DLG5: variants seen among roughly 807,000 people sequenced by gnomAD.
DLG5 encodes the protein discs large MAGUK scaffold protein 5, also known as disks large homolog 5.
Under a neutral mutation model 189.8 loss-of-function variants are expected in DLG5, and 48 were observed. The observed-to-expected ratio is 0.25, with a 90% CI of 0.20 to 0.32. The LOEUF (loss-of-function observed/expected upper bound fraction) is 0.32. DLG5 is among the 10% of genes least tolerant of loss of function. The probability of loss-of-function intolerance (pLI) is 1.00; values close to 1 mark genes in which losing one functional copy is unlikely to be tolerated. For missense variants in DLG5, 2,160 were observed against 2,544.7 expected, an observed-to-expected ratio of 0.85 and a Z score of 3.25; for synonymous variants, 1,016 against 1,054.1, an observed-to-expected ratio of 0.96 and a Z score of 0.70.
chr10:77,877,004 A>T (rs1381492434), intron 1 of DLG5, among the ~76,000 whole-genome samples: 1 of 152,054 alleles, frequency 6.6e-6, no homozygotes, highest in Non-Finnish European at 1.5e-5. Flanking sequence ...CTGGGATTAC[A>T]GGTGTGCGCC....
chr10:77,839,531 C>CA (rs1284087832), intron 7 of DLG5, among the ~76,000 whole-genome samples: 1 of 152,182 alleles, frequency 6.6e-6, no homozygotes, highest in Non-Finnish European at 1.5e-5. Context: ...AAGAAAATCT[C>CA]AAAACTCCAT....
At chr10:77,799,489 G>A (rs1248367435) in intron 27 of DLG5, among the ~76,000 whole-genome samples, 2 of 152,206 alleles carry the variant, frequency 1.3e-5, no homozygotes, top group Non-Finnish European at 2.9e-5. Flanking sequence ...GTACAAGGCA[G>A]GATGACAGCC....
intron 1 of DLG5, among the ~76,000 whole-genome samples, chr10:77,902,676 T>C (rs962877612): frequency 1.3e-5 from 2 of 151,826 alleles, no homozygotes; most frequent in Non-Finnish European, 2.9e-5. Context: ...CTGGCTAACA[T>C]GGTGAAACCC....
At chr10:77,888,899 A>G (rs1352607934) in intron 1 of DLG5, among the ~76,000 whole-genome samples, 1 of 152,084 alleles carries the variant, frequency 6.6e-6, no homozygotes, top group Non-Finnish European at 1.5e-5. Flanking sequence ...CTGAAGAAGA[A>G]CTGCCCAAAC....
At chr10:77,856,648 G>T in intron 3 of DLG5, 82 bp downstream of exon 3, 1 of 1,545,962 alleles carries the variant, frequency 6.5e-7, no homozygotes, top group Non-Finnish European at 8.8e-7. Flanking sequence ...AGGAGCCAGG[G>T]GTGTTTGGGG....
intron 5 of DLG5, among the ~76,000 whole-genome samples, chr10:77,852,362 T>C (rs1844020411): frequency 6.6e-6 from 1 of 151,932 alleles, no homozygotes; most frequent in Admixed American, 6.6e-5. Context: ...CAGAGCGAAC[T>C]CTGTCTCAAA....
chr10:77,917,659 TAC>T lies in DLG5; in HGVS notation c.304+8556_304+8557del, dbSNP rs775010302. Among the ~76,000 whole-genome samples, 14 of 152,286 alleles carry T rather than the reference TAC, an allele frequency of 9.2e-5. No individual in the cohort carries two copies. The East Asian group carries it at 2.5e-3, about 27-fold the overall frequency. ...GGCCATGTAGTTATTATTCAATAGG[TAC>T]AGAGTTTCGATTTTGCAAGATGAAA... On this transcript the variant is annotated intron_variant, in intron 1 of 31. Coordinates refer to ENST00000372391, the MANE Select transcript of DLG5 (RefSeq NM_004747.4).
intron 24 of DLG5, 102 bp from the exon 25 acceptor site, chr10:77,808,046 C>A: frequency 7.2e-7 from 1 of 1,388,668 alleles, no homozygotes; most frequent in Non-Finnish European, 9.8e-7. Flanking sequence ...ATTCAACATC[C>A]CTCCTTAACT....
chr10:77,885,483 G>T (rs1324361229), intron 1 of DLG5, among the ~76,000 whole-genome samples: 1 of 152,196 alleles, frequency 6.6e-6, no homozygotes, highest in Non-Finnish European at 1.5e-5. Context: ...ACTATCTTGT[G>T]CAAAGAGAAA....
intron 1 of DLG5, among the ~76,000 whole-genome samples, chr10:77,902,925 C>T (rs1260867642): frequency 6.6e-6 from 1 of 151,956 alleles, no homozygotes; most frequent in Non-Finnish European, 1.5e-5. Context: ...GAGCATCCCT[C>T]ATTCTGGGCG....
chr10:77,939,790 C>T, the DLG5 span, among the ~76,000 whole-genome samples: 1 of 152,196 alleles, frequency 6.6e-6, no homozygotes, highest in African/African-American at 2.4e-5. Flanking sequence ...GGAAAAGCTC[C>T]TCCATGGGAG....
chr10:77,883,256 G>T (rs1293216217), intron 1 of DLG5, among the ~76,000 whole-genome samples: 2 of 152,154 alleles, frequency 1.3e-5, no homozygotes, highest in Non-Finnish European at 1.5e-5. Context: ...ATGGGGTACG[G>T]GTAGGGAGAG....
intron 2 of DLG5, among the ~76,000 whole-genome samples, chr10:77,864,044 T>C (rs1036446224): frequency 1.3e-5 from 2 of 152,108 alleles, no homozygotes; most frequent in Admixed American, 6.5e-5. Flanking sequence ...GACCTGGGTG[T>C]AAGAAGGAGG....
At chr10:77,823,263 G>T (rs1307811912) in intron 14 of DLG5, among the ~76,000 whole-genome samples, 1 of 152,040 alleles carries the variant, frequency 6.6e-6, no homozygotes, top group Admixed American at 6.6e-5. Context: ...CAAATAATTT[G>T]AAAATAGTTA....
chr10:77,938,410 G>A, the DLG5 span, among the ~76,000 whole-genome samples: 3 of 152,084 alleles, frequency 2.0e-5, no homozygotes, highest in Admixed American at 2.0e-4. Flanking sequence ...CAGCCTGGGT[G>A]ACAGAGCAAG....
At chr10:77,817,925 G>T in intron 17 of DLG5, 36 bp from the exon 18 acceptor site, 1 of 1,516,136 alleles carries the variant, frequency 6.6e-7, no homozygotes, top group Non-Finnish European at 9.0e-7. Flanking sequence ...TTCGGGAGGA[G>T]AACCAGGAAC....
In DLG5 at chr10:77,841,933, C is replaced by G; in HGVS notation, c.1385G>C (p.Ser462Thr). 6.2e-7 allele frequency: 1 copy of G among 1,613,978 alleles called. No individual in the cohort carries two copies. The highest frequency in any genetic ancestry group is 8.5e-7 in the Non-Finnish European group (1 of 1,179,952). ...EVELAESKLK[S>T]STSEKKAANE... ...GGCCGCCTTCTTCTCAGATGTGCTG[C>G]TCTTGAGCTTGGACTCGGCCAGCTC... The change falls in exon 7 of 32, where the codon AGC becomes ACC. Residue 462 changes from serine to threonine, a missense_variant. Transcript: ENST00000372391.
chr10:77,835,322 C>A (rs1843071890), intron 8 of DLG5, among the ~76,000 whole-genome samples: 1 of 152,188 alleles, frequency 6.6e-6, no homozygotes. Context: ...TCCTCCCTCA[C>A]TGCCGTGCCT....
chr10:77,869,116 C>T lies in DLG5; in HGVS notation c.373+13G>A, dbSNP rs763092436. ...TGGCCCACCCGGTGTCCTCCCCAGA[C>T]AGTGGTACTCACCCACACTGCTGAG... On this transcript the variant is annotated intron_variant, in intron 2 of 31. Coordinates refer to ENST00000372391, the MANE Select transcript of DLG5 (RefSeq NM_004747.4). 2.9e-5 allele frequency: 47 copies of T among 1,612,830 alleles called. No homozygotes were observed. The highest frequency in any genetic ancestry group is 6.7e-5 in the African/African-American group (5 of 74,818).
Sources: allele counts gnomAD v4.1 joint callset (sites outside exome capture counted in the v4.1 genomes callset), GRCh38; gene constraint gnomAD v4.1.1; transcripts MANE v1.5; gene names NCBI Gene and HGNC (gene_info 2026-07-23, HGNC 2026-07-21).